The following CLEC5A variants were observed in gnomAD, a reference collection of about 807,000 sequenced individuals.
CLEC5A encodes C-type lectin domain containing 5A.
A neutral mutation model predicts 24.4 loss-of-function variants in CLEC5A; 15 were observed. The ratio of observed to expected loss-of-function variants is 0.62; its 90% CI spans 0.41 to 0.95. The LOEUF (loss-of-function observed/expected upper bound fraction) is 0.95, where lower values mean the gene tolerates loss of function less well. CLEC5A is among the 40% of genes least tolerant of loss of function. The pLI is 0.00. For synonymous variants in CLEC5A, 71 were observed against 72.6 expected, an observed-to-expected ratio of 0.98 and a Z score of 0.11; for missense variants, 211 against 224.0, an observed-to-expected ratio of 0.94 and a Z score of 0.37.
chr7:141,942,883 T>A (rs1346891314), intron 4 of CLEC5A, among the ~76,000 whole-genome samples: 1 of 152,164 alleles, frequency 6.6e-6, no homozygotes, highest in Non-Finnish European at 1.5e-5. Flanking sequence ...TGAGATATCA[T>A]CTCAACCCAG....
chr7:141,939,900 T>A (rs1554441474), intron 4 of CLEC5A, among the ~76,000 whole-genome samples: 1 of 152,090 alleles, frequency 6.6e-6, no homozygotes, highest in Admixed American at 6.5e-5. Context: ...AATATAAATA[T>A]ATATGCATCC....
chr7:141,939,652 T>C (rs1420142618), intron 4 of CLEC5A, among the ~76,000 whole-genome samples: 1 of 151,950 alleles, frequency 6.6e-6, no homozygotes, highest in Admixed American at 6.6e-5. Context: ...GCTGAATGGA[T>C]GAAAAAACAA....
At chr7:141,945,246 AT>A in intron 3 of CLEC5A, 94 bp downstream of exon 3, 1 of 891,536 alleles carries the variant, frequency 1.1e-6, no homozygotes, top group Non-Finnish European at 1.9e-6. Context: ...GTACAAAAGA[AT>A]TTCTTGGGAA....
intron 3 of CLEC5A, 129 bp from the exon 4 acceptor site, chr7:141,944,093 A>C (rs1802881456): frequency 1.7e-6 from 1 of 595,346 alleles, no homozygotes; most frequent in Non-Finnish European, 3.1e-6. Context: ...TCTGAGCTAG[A>C]ACATTTCAAA....
chr7:141,944,971 T>C (rs2128962803), intron 3 of CLEC5A, among the ~76,000 whole-genome samples: 1 of 152,248 alleles, frequency 6.6e-6, no homozygotes, highest in East Asian at 1.9e-4. Flanking sequence ...AATAGGTGTC[T>C]TAAGAGGAAG....
chr7:141,946,142 A>T, intron 2 of CLEC5A, 72 bp downstream of exon 2: 2 of 1,481,902 alleles, frequency 1.3e-6, no homozygotes, highest in Non-Finnish European at 1.8e-6. Flanking sequence ...ACACACAACC[A>T]TGCATTCTGA....
At chr7:141,945,678 C>T (rs1218813003) in intron 2 of CLEC5A, 4 of 475,138 alleles carry the variant, frequency 8.4e-6, no homozygotes, top group Non-Finnish European at 1.5e-5. Context: ...CGTTTCCTTC[C>T]TCATTTATTT....
At chr7:141,944,546 T>G (rs893853915) in intron 3 of CLEC5A, among the ~76,000 whole-genome samples, 1 of 152,184 alleles carries the variant, frequency 6.6e-6, no homozygotes, top group South Asian at 2.1e-4. Flanking sequence ...GGAGATTTTC[T>G]ATAAGCAGGG....
chr7:141,934,546 C>A (rs1802557251), intron 5 of CLEC5A, among the ~76,000 whole-genome samples: 1 of 147,420 alleles, frequency 6.8e-6, no homozygotes, highest in South Asian at 2.2e-4. Context: ...GAAGGATGAG[C>A]TGGAGATACA....
At chr7:141,933,128 C>T (rs982064959) in intron 5 of CLEC5A, among the ~76,000 whole-genome samples, 1 of 152,102 alleles carries the variant, frequency 6.6e-6, no homozygotes, top group East Asian at 1.9e-4. Flanking sequence ...GGGAAGACAA[C>T]CAACTTAACT....
In CLEC5A at chr7:141,935,961, C is replaced by G. The variant is rs186587632; in HGVS notation, c.209-11G>C. ...AGTCTTTGGGGCAGACTGAAGAGGT[C>G]CAAGAAAGGAGAGTACGAGTTTACT... On this transcript the variant is annotated splice_polypyrimidine_tract_variant and intron_variant, in intron 4 of 6. Coordinates refer to ENST00000546910, the MANE Select transcript of CLEC5A (RefSeq NM_013252.3). 3,808 of 1,611,472 alleles carry G rather than the reference C, an allele frequency of 2.4e-3. 7 individuals carry two copies. The highest frequency in any genetic ancestry group is 2.9e-3 in the Non-Finnish European group (3,377 of 1,177,726).
intron 6 of CLEC5A, 51 bp from the exon 7 acceptor site, chr7:141,930,269 T>A (rs1468556728): frequency 7.3e-7 from 1 of 1,372,494 alleles, no homozygotes; most frequent in Non-Finnish European, 1.0e-6. Context: ...AAACAAAGCA[T>A]GGTGATGGCC....
intron 2 of CLEC5A, 22 bp downstream of exon 2, chr7:141,946,191 CA>C: frequency 6.4e-7 from 1 of 1,553,318 alleles, no homozygotes; most frequent in African/African-American, 1.4e-5. Context: ...AAGTCTGGGG[CA>C]AGAGGTTGCT....
At chr7:141,939,868 CAATTCAGCAAGA>C (rs1554441471) in intron 4 of CLEC5A, among the ~76,000 whole-genome samples, 1 of 152,038 alleles carries the variant, frequency 6.6e-6, no homozygotes, top group Non-Finnish European at 1.5e-5. Flanking sequence ...ATAAAGGGGT[CAATTCAGCAAGA>C]GAATATAACA....
At chr7:141,946,191 C>A in intron 2 of CLEC5A, 23 bp downstream of exon 2, 1 of 1,553,318 alleles carries the variant, frequency 6.4e-7, no homozygotes, top group Non-Finnish European at 8.7e-7. Context: ...AAGTCTGGGG[C>A]AAGAGGTTGC....
intron 4 of CLEC5A, among the ~76,000 whole-genome samples, chr7:141,938,220 T>C (rs1802687282): frequency 6.6e-6 from 1 of 152,170 alleles, no homozygotes; most frequent in South Asian, 2.1e-4. Flanking sequence ...ATATGTGACC[T>C]TTTAGACAGA....
At chr7:141,935,019 C>CT (rs1256859631) in intron 5 of CLEC5A, among the ~76,000 whole-genome samples, 2 of 152,084 alleles carry the variant, frequency 1.3e-5, no homozygotes, top group Admixed American at 6.5e-5. Flanking sequence ...GACATTTTCC[C>CT]TTGCTACCTG....
rs370025088 is a variant in CLEC5A, at chr7:141,930,183, G to A, written c.488C>T (p.Thr163Ile). 9 of 1,613,970 alleles carry A rather than the reference G, an allele frequency of 5.6e-6. No homozygotes were observed. Among genetic ancestry groups the A allele is most frequent in the Non-Finnish European group, 7.6e-6 (9 of 1,179,984 alleles). ...TNQNQNFNCA[T>I]IGLTKTFDAA... ...ATCAAATGTCTTTGTTAGGCCAATG[G>A]TCGCACAGTTGAAATTCTGATTCTG... The change falls in exon 7 of 7, where the codon ACC becomes ATC. Residue 163 changes from threonine (T) to isoleucine (I), a missense_variant. Physicochemically the swap from Thr to Ile is moderately conservative, Grantham distance 89. Coordinates refer to ENST00000546910, the MANE Select transcript of CLEC5A (RefSeq NM_013252.3).
At position 141,939,013 on chromosome 7, in the gene CLEC5A, C is replaced by T. The variant is rs1021334099; in HGVS notation, c.209-3063G>A. On this transcript the variant is annotated intron_variant, in intron 4 of 6. Transcript: ENST00000546910. ...CAGCACATCAGTCCTATAAGAATTG[C>T]TAAAAACAGCTCTTTAATCTGAAAG... Among the ~76,000 whole-genome samples the T allele has an allele frequency of 6.4e-4, 97 of 152,208 alleles. 1 individual carries two copies. Among genetic ancestry groups the T allele is most frequent in the Admixed American group, 5.3e-3 (81 of 15,288 alleles).
Sources: allele counts gnomAD v4.1 joint callset (sites outside exome capture counted in the v4.1 genomes callset), GRCh38; gene constraint gnomAD v4.1.1; transcripts MANE v1.5; gene names NCBI Gene and HGNC (gene_info 2026-07-23, HGNC 2026-07-21).